Variants in TFAP2D observed in about 807,000 individuals in gnomAD.
The protein encoded by TFAP2D is transcription factor AP-2 delta, also known as transcription factor AP-2-delta.
Under a neutral mutation model 43.6 loss-of-function variants are expected in TFAP2D, and 9 were observed. That is an observed-to-expected ratio of 0.21 (90% CI 0.12 to 0.36). TFAP2D has a LOEUF of 0.36. Among genes scored for constraint, TFAP2D ranks in the 10% least tolerant of loss-of-function variants. The probability of loss-of-function intolerance (pLI) is 1.00; values close to 1 mark genes in which losing one functional copy is unlikely to be tolerated. For synonymous variants in TFAP2D, 256 were observed against 224.9 expected (o/e 1.14, Z -1.24); for missense variants, 513 against 561.4 (o/e 0.91, Z 0.87).
intron 3 of TFAP2D, among the ~76,000 whole-genome samples, chr6:50,721,692 T>C (rs1311472918): frequency 2.0e-5 from 3 of 152,228 alleles, no homozygotes; most frequent in African/African-American, 7.2e-5. Context: ...TATAACCCGA[T>C]ACTGTCTAAA....
At chr6:50,759,321 G>T (rs1459686631) in intron 7 of TFAP2D, among the ~76,000 whole-genome samples, 2 of 151,938 alleles carry the variant, frequency 1.3e-5, no homozygotes, top group Admixed American at 6.6e-5. Flanking sequence ...TAGATGTGTG[G>T]ATTTAGAATA....
chr6:50,759,603 G>A lies in TFAP2D; in HGVS notation c.1139+8279G>A, dbSNP rs79704041. Among the ~76,000 whole-genome samples, 168 of 152,066 alleles carry A rather than the reference G, an allele frequency of 1.1e-3. No individual in the cohort carries two copies. The East Asian group carries it at 0.03, about 27-fold the overall frequency. ...TCTATTCCAAACAGAAAATACATCT[G>A]ATAGGGAGAAATGTAACAAGATGGT... On this transcript the variant is annotated intron_variant, in intron 7 of 7. Coordinates refer to ENST00000008391, the MANE Select transcript of TFAP2D (RefSeq NM_172238.4).
At chr6:50,740,401 T>A (rs1769024391) in intron 5 of TFAP2D, among the ~76,000 whole-genome samples, 1 of 152,096 alleles carries the variant, frequency 6.6e-6, no homozygotes, top group African/African-American at 2.4e-5. Context: ...TTTTAAAAAA[T>A]ACCATAATTT....
Position 50,772,938 on chromosome 6 carries a change from G to T in TFAP2D, c.*74G>T. The T allele has an allele frequency of 7.3e-7, 1 of 1,376,270 alleles. No individual in the cohort carries two copies. The highest frequency in any genetic ancestry group is 1.3e-5 in the South Asian group (1 of 75,094). 85.3% of individuals were successfully genotyped at this position (1,376,270 alleles called of 1,614,324 possible). ...TTCTAATATATATATCATTGAGGGT[G>T]ACTAATCTTCAGTGGACCAAATCTC... On this transcript the variant is annotated 3_prime_UTR_variant, in exon 8 of 8. Transcript: ENST00000008391.
intron 7 of TFAP2D, among the ~76,000 whole-genome samples, chr6:50,755,268 G>A (rs1461697986): frequency 6.6e-6 from 1 of 151,932 alleles, no homozygotes; most frequent in Non-Finnish European, 1.5e-5. Context: ...ATTTAAATGT[G>A]TGTAATTTCT....
chr6:50,757,908 T>C (rs1387635254), intron 7 of TFAP2D, among the ~76,000 whole-genome samples: 2 of 146,132 alleles, frequency 1.4e-5, no homozygotes, highest in South Asian at 2.1e-4. Flanking sequence ...TAATTTTTCC[T>C]GGGGAAATAA....
chr6:50,715,093 C>G, intron 1 of TFAP2D, 23 bp from the exon 2 acceptor site: 1 of 1,603,898 alleles, frequency 6.2e-7, no homozygotes, highest in African/African-American at 1.3e-5. Flanking sequence ...TTCTGCTCTC[C>G]CTTTTCCCCC....
At position 50,742,954 on chromosome 6, in the gene TFAP2D, AACACAC is replaced by A. The variant is rs3060372; in HGVS notation, c.884-2117_884-2112del. 7.1e-3 allele frequency among the ~76,000 whole-genome samples: 989 copies of A among 139,660 alleles called. 9 individuals carry two copies. Among genetic ancestry groups the A allele is most frequent in the African/African-American group, 0.02 (777 of 38,674 alleles). 91.6% of individuals were successfully genotyped at this position (139,660 alleles called of 152,430 possible). On this transcript the variant is annotated intron_variant, in intron 5 of 7. Coordinates refer to ENST00000008391, the MANE Select transcript of TFAP2D (RefSeq NM_172238.4). Reference sequence around the variant, plus strand: ...CTGTATGGCATAACAACGACTTTAAAACACACACACACACACACACACACACACACA... The same window carrying A: ...CTGTATGGCATAACAACGACTTTAAAACACACACACACACACACACACACA...
intron 2 of TFAP2D, chr6:50,718,167 T>C (rs1360737742): frequency 6.6e-6 from 1 of 151,980 alleles, no homozygotes; most frequent in Non-Finnish European, 1.5e-5. Context: ...AGGCAGAACA[T>C]TTAAAATAAG....
intron 7 of TFAP2D, among the ~76,000 whole-genome samples, chr6:50,759,056 AAAC>A (rs1373195174): frequency 6.6e-6 from 1 of 152,048 alleles, no homozygotes; most frequent in Non-Finnish European, 1.5e-5. Context: ...CTAGTGGTTA[AAAC>A]AATAGAAGCC....
At chr6:50,734,726 G>A (rs1489751095) in intron 5 of TFAP2D, among the ~76,000 whole-genome samples, 1 of 152,024 alleles carries the variant, frequency 6.6e-6, no homozygotes, top group East Asian at 1.9e-4. Context: ...GGATGACAGT[G>A]GGATATGCTA....
intron 5 of TFAP2D, among the ~76,000 whole-genome samples, chr6:50,740,568 G>T (rs78321133): frequency 6.6e-6 from 1 of 151,882 alleles, no homozygotes; most frequent in East Asian, 1.9e-4. Flanking sequence ...GAGTAGCTAG[G>T]ATTGCAGGTG....
chr6:50,749,557 T>C (rs1030867995), intron 6 of TFAP2D, among the ~76,000 whole-genome samples: 2 of 151,892 alleles, frequency 1.3e-5, no homozygotes, highest in African/African-American at 4.8e-5. Context: ...AGGCTAAATT[T>C]AAAATTTTAG....
At chr6:50,768,875 T>C (rs1220329356) in intron 7 of TFAP2D, among the ~76,000 whole-genome samples, 1 of 151,776 alleles carries the variant, frequency 6.6e-6, no homozygotes, top group Non-Finnish European at 1.5e-5. Context: ...CTTCAATTGA[T>C]TTTAGAGTTC....
chr6:50,714,187 C>A, intron 1 of TFAP2D, 93 bp downstream of exon 1: 1 of 1,295,296 alleles, frequency 7.7e-7, no homozygotes, highest in Non-Finnish European at 1.1e-6. Flanking sequence ...GGCAGCCTCC[C>A]CTGTCTCTAA....
At chr6:50,756,220 C>T (rs1011616438) in intron 7 of TFAP2D, among the ~76,000 whole-genome samples, 4 of 151,938 alleles carry the variant, frequency 2.6e-5, no homozygotes, top group Admixed American at 2.0e-4. Flanking sequence ...TTCGATAGAA[C>T]CATTAGCTCA....
intron 5 of TFAP2D, among the ~76,000 whole-genome samples, chr6:50,731,692 G>C (rs926528134): frequency 6.6e-6 from 1 of 151,920 alleles, no homozygotes. Flanking sequence ...ATTGAAATAG[G>C]CTTCATTATA....
At chr6:50,771,957 G>A (rs1258973661) in intron 7 of TFAP2D, among the ~76,000 whole-genome samples, 3 of 152,048 alleles carry the variant, frequency 2.0e-5, no homozygotes, top group Non-Finnish European at 4.4e-5. Flanking sequence ...GTTTATTGCG[G>A]CACTATTCAC....
intron 3 of TFAP2D, among the ~76,000 whole-genome samples, chr6:50,719,497 GAAA>G (rs1308422742): frequency 6.1e-5 from 8 of 131,720 alleles, no homozygotes; most frequent in African/African-American, 1.9e-4. Context: ...AAGAAAGAAA[GAAA>G]GAAGTTTCTC....
Sources: allele counts gnomAD v4.1 joint callset (sites outside exome capture counted in the v4.1 genomes callset), GRCh38; gene constraint gnomAD v4.1.1; transcripts MANE v1.5; gene names NCBI Gene and HGNC (gene_info 2026-07-23, HGNC 2026-07-21).